ADAM9: variants seen among roughly 807,000 people sequenced by gnomAD.
The protein encoded by ADAM9 is ADAM metallopeptidase domain 9, also known as disintegrin and metalloproteinase domain-containing protein 9.
In ADAM9, 54 loss-of-function variants were observed where a neutral mutation model predicts 108.1. The ratio of observed to expected loss-of-function variants is 0.50; its 90% confidence interval spans 0.40 to 0.63. The LOEUF (loss-of-function observed/expected upper bound fraction) is 0.63. ADAM9 is among the 20% of genes least tolerant of loss of function. The probability of loss-of-function intolerance (pLI) is 0.00; values close to 1 mark genes in which losing one functional copy is unlikely to be tolerated. For synonymous variants in ADAM9, 316 were observed against 336.0 expected (o/e 0.94, Z 0.65); for missense variants, 830 against 997.7 (o/e 0.83, Z 2.26).
rs1839300400 is a variant in ADAM9, at chr8:39,090,078, G to T, written c.2100G>T (p.Leu700=). The T allele has an allele frequency of 1.2e-6, 2 of 1,613,634 alleles. No individual in the cohort carries two copies. Among genetic ancestry groups the T allele is most frequent in the Non-Finnish European group, 1.7e-6 (2 of 1,179,858 alleles). The part of the protein sequence containing the change: ...EMNTALRDGL[L]VFFFLIVPLI... ...ATACTGCATTGAGGGACGGACTTCT[G>T]GTCTTCTTCTTCCTAATTGTTCCCC... is the stretch of plus-strand genomic sequence containing the variant. The change falls in exon 19 of 22, where the codon CTG becomes CTT. Residue 700 remains leucine (L), a synonymous_variant. Transcript: ENST00000487273.
chr8:39,029,007 A>G (rs1292284891), intron 11 of ADAM9, among the ~76,000 whole-genome samples: 1 of 152,150 alleles, frequency 6.6e-6, no homozygotes, highest in African/African-American at 2.4e-5. Flanking sequence ...TTTGAGGAGA[A>G]TGGTATTTTT....
chr8:39,013,607 A>G (rs778560318), intron 3 of ADAM9, among the ~76,000 whole-genome samples: 2 of 151,500 alleles, frequency 1.3e-5, no homozygotes, highest in South Asian at 2.1e-4. Context: ...GGCTTAAGCA[A>G]TCCTCCCACC....
chr8:39,047,096 CTTAA>C, intron 12 of ADAM9, among the ~76,000 whole-genome samples: 1 of 152,210 alleles, frequency 6.6e-6, no homozygotes, highest in East Asian at 1.9e-4. Context: ...TATATTGAGC[CTTAA>C]TTGATTTTTG....
intron 13 of ADAM9, 122 bp from the exon 14 acceptor site, chr8:39,055,455 G>A: frequency 2.1e-6 from 2 of 971,484 alleles, no homozygotes; most frequent in Non-Finnish European, 3.2e-6. Flanking sequence ...TTTTCTGTTG[G>A]GTTATTTAAT....
At chr8:39,073,357 C>T (rs904643279) in intron 15 of ADAM9, among the ~76,000 whole-genome samples, 3 of 152,112 alleles carry the variant, frequency 2.0e-5, no homozygotes, top group Non-Finnish European at 2.9e-5. Context: ...TAGGTGCATA[C>T]ACAATTAGGA....
At chr8:39,057,481 A>G (rs1014624637) in intron 14 of ADAM9, among the ~76,000 whole-genome samples, 3 of 128,406 alleles carry the variant, frequency 2.3e-5, no homozygotes, top group African/African-American at 7.9e-5. Context: ...ATGAGCCCAT[A>G]TATGAATTGG....
At chr8:39,045,568 G>GTATA (rs1354034713) in intron 12 of ADAM9, among the ~76,000 whole-genome samples, 10,009 of 139,144 alleles carry the variant, frequency 0.072, 582 homozygotes, top group African/African-American at 0.14. Context: ...ATGTGTGTGT[G>GTATA]TGTATATATA....
intron 11 of ADAM9, among the ~76,000 whole-genome samples, chr8:39,027,489 A>C (rs1438971640): frequency 6.6e-6 from 1 of 152,202 alleles, no homozygotes; most frequent in Non-Finnish European, 1.5e-5. Flanking sequence ...CTCCATTTGC[A>C]GATGAGGAAA....
Position 39,067,012 on chromosome 8 carries a change from C to G in ADAM9, c.1592-4286C>G, listed in dbSNP as rs1218354499. ...AGCACTATTTATTAAATAGGGAATC[C>G]TTTCCCCATTTCTTGTTTTTGTCAG... On this transcript the variant is annotated intron_variant, in intron 14 of 21. Coordinates refer to ENST00000487273, the MANE Select transcript of ADAM9 (RefSeq NM_003816.3). Among the ~76,000 whole-genome samples the G allele has an allele frequency of 2.6e-5, 4 of 152,124 alleles. No homozygotes were observed. The East Asian group carries it at 7.7e-4, about 29-fold the overall frequency.
In ADAM9 at chr8:38,997,026, C is replaced by A. The variant is rs370106089; in HGVS notation, c.-38C>A. Reference sequence around the variant, plus strand: ...ATGATGGAAGAGGCGGAGGTGGAGGCGACCGAGTGCTGAGAGGAACCTGCG... The same window carrying A: ...ATGATGGAAGAGGCGGAGGTGGAGGAGACCGAGTGCTGAGAGGAACCTGCG... On this transcript the variant is annotated 5_prime_UTR_variant, in exon 1 of 22. Transcript: ENST00000487273. The A allele has an allele frequency of 6.3e-7, 1 of 1,598,104 alleles. No individual in the cohort carries two copies. Among genetic ancestry groups the A allele is most frequent in the South Asian group, 1.1e-5 (1 of 90,292 alleles).
chr8:39,079,520 A>G (rs750875480), intron 16 of ADAM9, among the ~76,000 whole-genome samples: 1 of 152,122 alleles, frequency 6.6e-6, no homozygotes, highest in Non-Finnish European at 1.5e-5. Context: ...TGAGAAGAAT[A>G]TTAACTGTCA....
intron 3 of ADAM9, among the ~76,000 whole-genome samples, 186 bp downstream of exon 3, chr8:39,011,902 A>G (rs1050455144): frequency 6.6e-6 from 1 of 152,228 alleles, no homozygotes; most frequent in Admixed American, 6.5e-5. Context: ...GAAAGAAGGC[A>G]GAGACTGGAA....
chr8:39,048,817 T>C (rs1837859462), intron 12 of ADAM9, among the ~76,000 whole-genome samples: 1 of 152,098 alleles, frequency 6.6e-6, no homozygotes, highest in Non-Finnish European at 1.5e-5. Flanking sequence ...CTTTTATCAT[T>C]ATAAAATGTT....
At chr8:39,022,816 C>T (rs558707535) in intron 8 of ADAM9, among the ~76,000 whole-genome samples, 77 of 152,070 alleles carry the variant, frequency 5.1e-4, no homozygotes, top group Non-Finnish European at 9.7e-4. Context: ...CAGGTTCAAG[C>T]GATTCTCCTG....
chr8:39,071,617 C>T (rs923186733), intron 15 of ADAM9, among the ~76,000 whole-genome samples: 16 of 152,112 alleles, frequency 1.1e-4, no homozygotes, highest in African/African-American at 3.9e-4. Flanking sequence ...CAGGCATGTG[C>T]CACCACGCCC....
chr8:39,077,451 A>C, intron 16 of ADAM9, 40 bp downstream of exon 16: 1 of 1,521,664 alleles, frequency 6.6e-7, no homozygotes, highest in Non-Finnish European at 8.9e-7. Flanking sequence ...AAAATGAAAA[A>C]AATTAAAAAA....
At chr8:39,077,920 G>A (rs1028888111) in intron 16 of ADAM9, among the ~76,000 whole-genome samples, 2 of 152,194 alleles carry the variant, frequency 1.3e-5, no homozygotes, top group African/African-American at 2.4e-5. Flanking sequence ...GTAATTAAGA[G>A]TGCGGGCAGA....
chr8:39,084,946 C>G (rs139017444), intron 18 of ADAM9, among the ~76,000 whole-genome samples: 4 of 152,154 alleles, frequency 2.6e-5, no homozygotes, highest in African/African-American at 4.8e-5. Context: ...TATGAAATAG[C>G]CTTCTTTTTC....
intron 21 of ADAM9, 63 bp from the exon 22 acceptor site, chr8:39,103,544 A>G (rs1477110578): frequency 1.4e-6 from 2 of 1,471,510 alleles, no homozygotes; most frequent in East Asian, 2.3e-5. Flanking sequence ...TGAGCTTGTA[A>G]TGAATATGGC....
Sources: allele counts gnomAD v4.1 joint callset (sites outside exome capture counted in the v4.1 genomes callset), GRCh38; gene constraint gnomAD v4.1.1; transcripts MANE v1.5; gene names NCBI Gene and HGNC (gene_info 2026-07-23, HGNC 2026-07-21).